DPYD: variants seen among roughly 807,000 people sequenced by gnomAD.
The protein encoded by DPYD is dihydropyrimidine dehydrogenase, also known as dihydropyrimidine dehydrogenase [NADP(+)].
A neutral mutation model predicts 116.2 loss-of-function variants in DPYD; 109 were observed. That is an observed-to-expected ratio of 0.94 (90% CI 0.80 to 1.10). DPYD has a LOEUF of 1.10. DPYD is among the 50% of genes least tolerant of loss of function. The probability of loss-of-function intolerance (pLI) is 0.00; values close to 1 mark genes in which losing one functional copy is unlikely to be tolerated. For synonymous variants in DPYD, 440 were observed against 432.0 expected (o/e 1.02, Z -0.23); for missense variants, 1,302 against 1,254.5 (o/e 1.04, Z -0.57).
chr1:97,090,588 A>G (rs946978911), intron 21 of DPYD, among the ~76,000 whole-genome samples: 6 of 152,182 alleles, frequency 3.9e-5, no homozygotes, highest in African/African-American at 9.6e-5. Flanking sequence ...GCTTTCCACA[A>G]TTACCCAAGG....
chr1:97,595,623 G>C (rs1654828956), intron 8 of DPYD, among the ~76,000 whole-genome samples: 1 of 151,588 alleles, frequency 6.6e-6, no homozygotes, highest in Non-Finnish European at 1.5e-5. Flanking sequence ...AAAAAACAAT[G>C]TATTTTGCCA....
At chr1:97,420,017 C>T (rs1468528010) in intron 14 of DPYD, 1 of 152,180 alleles carries the variant, frequency 6.6e-6, no homozygotes, top group Non-Finnish European at 1.5e-5. Flanking sequence ...AAAGATATAG[C>T]CTTGTGCAGG....
intron 8 of DPYD, among the ~76,000 whole-genome samples, chr1:97,603,279 C>A (rs879854862): frequency 2.0e-5 from 3 of 151,678 alleles, no homozygotes; most frequent in Admixed American, 6.6e-5. Flanking sequence ...TAATAAAATA[C>A]TAAAAAGGAA....
intron 12 of DPYD, among the ~76,000 whole-genome samples, chr1:97,545,474 C>A (rs567900158): frequency 1.3e-5 from 2 of 152,250 alleles, no homozygotes; most frequent in East Asian, 3.9e-4. Context: ...ATGTTAAATA[C>A]TGGAGTTGGA....
intron 8 of DPYD, among the ~76,000 whole-genome samples, chr1:97,625,110 AT>A (rs1357526793): frequency 2.0e-5 from 3 of 152,158 alleles, no homozygotes; most frequent in Admixed American, 2.0e-4. Flanking sequence ...TTAAGTTCAT[AT>A]GTTCTTACCA....
At chr1:97,340,147 ATAAG>A (rs1327321106) in intron 16 of DPYD, among the ~76,000 whole-genome samples, 1 of 152,122 alleles carries the variant, frequency 6.6e-6, no homozygotes, top group Non-Finnish European at 1.5e-5. Context: ...TATTATAATA[ATAAG>A]TAAATAGGTC....
chr1:97,113,643 T>C (rs1381939938), intron 20 of DPYD, among the ~76,000 whole-genome samples: 2 of 152,128 alleles, frequency 1.3e-5, no homozygotes, highest in Admixed American at 6.6e-5. Context: ...TATGTTGATA[T>C]ATTTGAATAT....
intron 16 of DPYD, among the ~76,000 whole-genome samples, chr1:97,326,275 G>T (rs983219821): frequency 6.6e-6 from 1 of 151,966 alleles, no homozygotes; most frequent in African/African-American, 2.4e-5. Context: ...TTTGGCAAGG[G>T]CTGGGGAAGG....
intron 1 of DPYD, among the ~76,000 whole-genome samples, chr1:97,886,892 A>G (rs1233140483): frequency 6.6e-6 from 1 of 151,572 alleles, no homozygotes; most frequent in Non-Finnish European, 1.5e-5. Context: ...AACCTCAAGG[A>G]CTCACCTCAA....
At chr1:97,468,595 C>T (rs964263647) in intron 13 of DPYD, among the ~76,000 whole-genome samples, 5 of 152,198 alleles carry the variant, frequency 3.3e-5, no homozygotes, top group African/African-American at 4.8e-5. Context: ...AGAATCTAAC[C>T]CATCTATGAC....
At chr1:97,631,982 G>A (rs186094160) in intron 8 of DPYD, among the ~76,000 whole-genome samples, 3 of 152,090 alleles carry the variant, frequency 2.0e-5, no homozygotes, top group East Asian at 1.9e-4. Context: ...CTATACCACC[G>A]TTCGATTGTA....
At chr1:97,532,941 G>T (rs1463908104) in intron 12 of DPYD, among the ~76,000 whole-genome samples, 9 of 143,430 alleles carry the variant, frequency 6.3e-5, no homozygotes, top group Non-Finnish European at 9.2e-5. Flanking sequence ...TTGTTGTTTT[G>T]TTGTTATTGT....
At chr1:97,846,770 CTT>C (rs1670321742) in intron 2 of DPYD, among the ~76,000 whole-genome samples, 1 of 152,184 alleles carries the variant, frequency 6.6e-6, no homozygotes. Context: ...GCATCATTGT[CTT>C]AAAATCATAG....
At chr1:97,351,921 T>C (rs1670166641) in intron 16 of DPYD, among the ~76,000 whole-genome samples, 1 of 152,162 alleles carries the variant, frequency 6.6e-6, no homozygotes, top group Non-Finnish European at 1.5e-5. Flanking sequence ...TAACTATACA[T>C]CTCAATTCAA....
intron 11 of DPYD, among the ~76,000 whole-genome samples, chr1:97,558,897 C>T (rs1044273104): frequency 1.3e-5 from 2 of 152,104 alleles, no homozygotes; most frequent in African/African-American, 4.8e-5. Context: ...GAAGAGATCT[C>T]CTCCAGGAGG....
chr1:97,346,361 ATTGAG>A (rs1305428820), intron 16 of DPYD, among the ~76,000 whole-genome samples: 1 of 151,626 alleles, frequency 6.6e-6, no homozygotes, highest in Non-Finnish European at 1.5e-5. Context: ...TAGTTTTTAT[ATTGAG>A]TTGTCTTCCG....
chr1:97,827,054 T>C (rs1260929148), intron 3 of DPYD, among the ~76,000 whole-genome samples: 1 of 152,088 alleles, frequency 6.6e-6, no homozygotes. Context: ...CAGCTTCTAT[T>C]AAATTTAATT....
At chr1:97,118,490 T>C (rs1256095210) in intron 20 of DPYD, among the ~76,000 whole-genome samples, 4 of 152,162 alleles carry the variant, frequency 2.6e-5, no homozygotes, top group African/African-American at 4.8e-5. Context: ...GTAGATTCCA[T>C]GCTTCCTGGC....
intron 14 of DPYD, among the ~76,000 whole-genome samples, chr1:97,409,638 C>T (rs1284024960): frequency 6.6e-6 from 1 of 152,160 alleles, no homozygotes; most frequent in Non-Finnish European, 1.5e-5. Context: ...TAAGTGAAAG[C>T]TTAGATTCAT....
Sources: gnomAD v4.1 joint callset for allele counts (sites outside exome capture counted in the v4.1 genomes callset) on GRCh38, gnomAD v4.1.1 for gene constraint, MANE v1.5 for transcripts, NCBI Gene and HGNC (gene_info 2026-07-23, HGNC 2026-07-21) for gene names.